Variants in FGF10 observed in about 807,000 individuals in gnomAD.
The protein encoded by FGF10 is FGF-10.
A neutral mutation model predicts 19.8 loss-of-function variants in FGF10; 2 were observed. That is an observed-to-expected ratio of 0.10 (90% CI 0.04 to 0.32). FGF10 has a LOEUF of 0.32. Among genes scored for constraint, FGF10 ranks in the 10% least tolerant of loss-of-function variants. FGF10 has a pLI of 1.00. For synonymous variants in FGF10, 112 were observed against 94.0 expected, an observed-to-expected ratio of 1.19 and a Z score of -1.10; for missense variants, 191 against 246.3, an observed-to-expected ratio of 0.78 and a Z score of 1.50.
chr5:44,378,270 G>T (rs1472994672), intron 1 of FGF10, among the ~76,000 whole-genome samples: 4 of 152,066 alleles, frequency 2.6e-5, no homozygotes, highest in Non-Finnish European at 5.9e-5. Flanking sequence ...GTGGCATCAT[G>T]TTGGCACTCA....
chr5:44,314,291 G>T (rs1286390752), intron 1 of FGF10, among the ~76,000 whole-genome samples: 1 of 152,090 alleles, frequency 6.6e-6, no homozygotes, highest in Non-Finnish European at 1.5e-5. Flanking sequence ...ATCTTGTGCA[G>T]ATTCTAAGAA....
chr5:44,311,272 A>C (rs1020141481), intron 1 of FGF10, among the ~76,000 whole-genome samples: 4 of 152,102 alleles, frequency 2.6e-5, no homozygotes, highest in Non-Finnish European at 5.9e-5. Context: ...CGATTGCTGC[A>C]TCTAAAGATA....
intron 1 of FGF10, among the ~76,000 whole-genome samples, chr5:44,387,435 A>T (rs2973646): frequency 1.3e-5 from 2 of 152,142 alleles, no homozygotes; most frequent in Non-Finnish European, 1.5e-5. Flanking sequence ...GTGGGATAAA[A>T]TATAGCCATG....
At chr5:44,378,333 G>T (rs1741910937) in intron 1 of FGF10, among the ~76,000 whole-genome samples, 1 of 152,170 alleles carries the variant, frequency 6.6e-6, no homozygotes, top group African/African-American at 2.4e-5. Context: ...GATTAGAAGT[G>T]CTCAATCTGT....
chr5:44,336,511 T>G (rs1344273789), intron 1 of FGF10, among the ~76,000 whole-genome samples: 1 of 152,082 alleles, frequency 6.6e-6, no homozygotes, highest in Non-Finnish European at 1.5e-5. Context: ...ACCCTCCTCC[T>G]CCGGGGAGAG....
intron 2 of FGF10, among the ~76,000 whole-genome samples, chr5:44,307,471 G>C (rs1740105460): frequency 6.6e-6 from 1 of 151,758 alleles, no homozygotes; most frequent in Non-Finnish European, 1.5e-5. Flanking sequence ...AATCCCATCA[G>C]TCAGGAGAAA....
intron 1 of FGF10, among the ~76,000 whole-genome samples, chr5:44,366,328 T>A (rs1469585902): frequency 6.6e-6 from 1 of 151,578 alleles, no homozygotes; most frequent in East Asian, 2.0e-4. Context: ...TCAATGAAAA[T>A]TTTTTTTAAA....
chr5:44,385,181 G>A (rs1742070058), intron 1 of FGF10, among the ~76,000 whole-genome samples: 1 of 152,100 alleles, frequency 6.6e-6, no homozygotes, highest in South Asian at 2.1e-4. Flanking sequence ...CAGACTTCTA[G>A]CAGGAGAAAC....
In FGF10 at chr5:44,305,027, C is replaced by T. The variant is rs2111665914; in HGVS notation, c.595G>A (p.Ala199Thr). Residue 199 changes from alanine to threonine, a missense_variant, in exon 3 of 3, where the codon GCT (alanine) becomes ACT (threonine). Ala to Thr is a moderately conservative substitution (Grantham distance 58). This residue lies in a region of FGF10 where 99 missense variants were observed against 161.7 expected (regional missense o/e 0.61). Coordinates refer to ENST00000264664, the MANE Select transcript of FGF10 (RefSeq NM_004465.2). ...TGTACCACCATTGGAAGAAAGTGAG[C>T]AGAGGTGTTTTTCCTTCGTGTTTTC... Reference protein sequence around the residue: ...GQKTRRKNTSAHFLPMVVHS With the variant: ...GQKTRRKNTSTHFLPMVVHS 1 of 1,613,936 alleles carries T rather than the reference C, an allele frequency of 6.2e-7. No homozygotes were observed.
At chr5:44,323,430 G>A (rs1490897280) in intron 1 of FGF10, among the ~76,000 whole-genome samples, 1 of 152,136 alleles carries the variant, frequency 6.6e-6, no homozygotes, top group African/African-American at 2.4e-5. Flanking sequence ...TGACATTATA[G>A]TACAGATAAC....
In FGF10 at chr5:44,305,151, C is replaced by T. The variant is rs2111667052; in HGVS notation, c.471G>A (p.Glu157=). The change falls in exon 3 of 3, where the codon GAG becomes GAA. Residue 157 remains glutamate (E), a synonymous_variant. Transcript: ENST00000264664. Reference sequence around the variant, plus strand: ...ATGCATAGGTATTGTATCCATTTTCCTCTATCCTCTCCTTCAGCTTACAGT... The same window carrying T: ...ATGCATAGGTATTGTATCCATTTTCTTCTATCCTCTCCTTCAGCTTACAGT... ...NNDCKLKERI[E]ENGYNTYASF... 1 of 1,613,884 alleles carries T rather than the reference C, an allele frequency of 6.2e-7. No individual in the cohort carries two copies. The highest frequency in any genetic ancestry group is 8.5e-7 in the Non-Finnish European group (1 of 1,179,872).
rs1171405583 is a variant in FGF10, at chr5:44,382,065, A to G, written c.325+6293T>C. On this transcript the variant is annotated intron_variant, in intron 1 of 2. Coordinates refer to ENST00000264664, the MANE Select transcript of FGF10 (RefSeq NM_004465.2). ...AGAATGGGTATAGGTAAAGGTGGACAGGTTTAGGTTGAAGAATTATTAGGT... is the reference window on the plus strand; with the variant it reads ...AGAATGGGTATAGGTAAAGGTGGACGGGTTTAGGTTGAAGAATTATTAGGT... Among the ~76,000 whole-genome samples, 6 of 152,186 alleles carry G rather than the reference A, an allele frequency of 3.9e-5. No individual in the cohort carries two copies. The East Asian group carries it at 1.2e-3, about 29-fold the overall frequency.
At chr5:44,345,055 T>C (rs1741056705) in intron 1 of FGF10, among the ~76,000 whole-genome samples, 1 of 151,898 alleles carries the variant, frequency 6.6e-6, no homozygotes, top group Admixed American at 6.6e-5. Context: ...ATTATGTATA[T>C]ACACTATTTT....
chr5:44,371,992 T>C (rs1465184302), intron 1 of FGF10, among the ~76,000 whole-genome samples: 1 of 152,190 alleles, frequency 6.6e-6, no homozygotes, highest in Non-Finnish European at 1.5e-5. Context: ...TAATTTGGGC[T>C]GCACAAAGTT....
chr5:44,354,577 G>GT (rs1253764607), intron 1 of FGF10, among the ~76,000 whole-genome samples: 1 of 151,414 alleles, frequency 6.6e-6, no homozygotes, highest in East Asian at 2.0e-4. Flanking sequence ...CCGCGCAGAT[G>GT]TAAGTAAACT....
chr5:44,342,770 G>A (rs1740998340), intron 1 of FGF10, among the ~76,000 whole-genome samples: 1 of 151,926 alleles, frequency 6.6e-6, no homozygotes. Context: ...AATCCATGAT[G>A]TCTCCAAATT....
chr5:44,335,764 A>G (rs1036991734), intron 1 of FGF10, among the ~76,000 whole-genome samples: 2 of 152,112 alleles, frequency 1.3e-5, no homozygotes, highest in African/African-American at 2.4e-5. Context: ...TACATATTGA[A>G]AATGAAAGAC....
At chr5:44,359,580 G>A (rs886506304) in intron 1 of FGF10, among the ~76,000 whole-genome samples, 4 of 151,248 alleles carry the variant, frequency 2.6e-5, no homozygotes, top group African/African-American at 9.7e-5. Context: ...TTATTAGTGG[G>A]GTAACTTCAG....
chr5:44,326,578 T>A (rs1740620410), intron 1 of FGF10, among the ~76,000 whole-genome samples: 1 of 151,708 alleles, frequency 6.6e-6, no homozygotes, highest in African/African-American at 2.4e-5. Context: ...TTTTTTTTTT[T>A]AATATTGTTT....
Sources: gnomAD v4.1 joint callset for allele counts (sites outside exome capture counted in the v4.1 genomes callset) on GRCh38, gnomAD v4.1.1 for gene constraint, gnomAD v4.1.1 regional missense constraint, MANE v1.5 for transcripts, NCBI Gene and HGNC (gene_info 2026-07-23, HGNC 2026-07-21) for gene names.